Variants in FRMD3 observed in about 807,000 individuals in gnomAD.
FRMD3 encodes the protein FERM domain-containing protein 3.
FRMD3 carries 33 observed loss-of-function variants against 70.2 expected under a neutral mutation model. The observed-to-expected ratio is 0.47, with a 90% CI of 0.36 to 0.63. The LOEUF (loss-of-function observed/expected upper bound fraction) is 0.63, where lower values mean the gene tolerates loss of function less well. Ranked by LOEUF, FRMD3 falls within the 20% of genes least tolerant of loss-of-function variation. The pLI, the probability that FRMD3 is intolerant of heterozygous loss-of-function variation, is 0.00. For missense variants in FRMD3, 632 were observed against 711.4 expected, an observed-to-expected ratio of 0.89 and a Z score of 1.27; for synonymous variants, 279 against 255.9, an observed-to-expected ratio of 1.09 and a Z score of -0.86.
intron 1 of FRMD3, among the ~76,000 whole-genome samples, chr9:83,491,928 A>G (rs537928339): frequency 6.6e-6 from 1 of 152,356 alleles, no homozygotes; most frequent in South Asian, 2.1e-4. Flanking sequence ...ACAGGCGTCC[A>G]CAGGGGGCTG....
At chr9:83,363,648 G>C (rs1202988671) in intron 3 of FRMD3, among the ~76,000 whole-genome samples, 1 of 146,066 alleles carries the variant, frequency 6.8e-6, no homozygotes, top group East Asian at 2.1e-4. Context: ...CCGCCCCCCG[G>C]GGTTCACGCC....
At chr9:83,551,223 A>T in the FRMD3 span, among the ~76,000 whole-genome samples, 2 of 152,182 alleles carry the variant, frequency 1.3e-5, no homozygotes, top group Non-Finnish European at 2.9e-5. Context: ...TTCTGCATCT[A>T]TTAAGATAAT....
At chr9:83,330,974 G>A (rs1836234981) in intron 6 of FRMD3, among the ~76,000 whole-genome samples, 1 of 152,204 alleles carries the variant, frequency 6.6e-6, no homozygotes, top group Non-Finnish European at 1.5e-5. Flanking sequence ...AGGATGTGGA[G>A]CAACAGGAAC....
At chr9:83,398,734 A>G (rs1480655896) in intron 1 of FRMD3, among the ~76,000 whole-genome samples, 2 of 152,248 alleles carry the variant, frequency 1.3e-5, no homozygotes, top group Non-Finnish European at 2.9e-5. Flanking sequence ...ATTAGTAGCT[A>G]AAGCTAAGAT....
At chr9:83,307,843 C>G (rs1835192757) in intron 10 of FRMD3, among the ~76,000 whole-genome samples, 1 of 151,736 alleles carries the variant, frequency 6.6e-6, no homozygotes, top group African/African-American at 2.4e-5. Context: ...TTTTTTAAAA[C>G]AAAATAAAAA....
At chr9:83,583,436 C>T in the FRMD3 span, among the ~76,000 whole-genome samples, 1 of 152,106 alleles carries the variant, frequency 6.6e-6, no homozygotes, top group African/African-American at 2.4e-5. Flanking sequence ...CTCACAATAC[C>T]GTACTAGCCA....
At chr9:83,326,756 A>C (rs1164731267) in intron 6 of FRMD3, among the ~76,000 whole-genome samples, 1 of 152,254 alleles carries the variant, frequency 6.6e-6, no homozygotes, top group Non-Finnish European at 1.5e-5. Context: ...TGTTCCACTC[A>C]GATTAATAGT....
In FRMD3 at chr9:83,299,133, T is replaced by A. The variant is rs754083167; in HGVS notation, c.980A>T (p.Lys327Ile). 1 of 1,612,310 alleles carries A rather than the reference T, an allele frequency of 6.2e-7. No individual in the cohort carries two copies. Among genetic ancestry groups the A allele is most frequent in the South Asian group, 1.1e-5 (1 of 90,748 alleles). The change falls in exon 11 of 14, where the codon AAA (lysine) becomes ATA (isoleucine). Residue 327 changes from lysine (K) to isoleucine (I), a missense_variant. By Grantham distance (102) the Lys-to-Ile change is moderately radical (BLOSUM62 -3). This residue lies in a region of FRMD3 where 418 missense variants were observed against 442.1 expected (regional missense o/e 0.95). Transcript: ENST00000304195. ...KTVSSSKIFF[K>I]GSRFRYSGKV... ...CCACCTATATCGAAATCTACTTCCTTTAAAAAATATCTTGCTGCTTGATAC... is the reference window on the plus strand; with the variant it reads ...CCACCTATATCGAAATCTACTTCCTATAAAAAATATCTTGCTGCTTGATAC...
chr9:83,345,028 G>A (rs528897577), intron 4 of FRMD3, among the ~76,000 whole-genome samples: 10 of 152,240 alleles, frequency 6.6e-5, no homozygotes, highest in African/African-American at 2.2e-4. Flanking sequence ...TCACAGGGAC[G>A]CTGTCAACCC....
chr9:83,415,589 C>A (rs1247570271), intron 1 of FRMD3, among the ~76,000 whole-genome samples: 1 of 150,760 alleles, frequency 6.6e-6, no homozygotes, highest in Non-Finnish European at 1.5e-5. Flanking sequence ...ACTACAGGTG[C>A]CCACCACCAC....
Position 83,245,595 on chromosome 9 carries a change from A to G in FRMD3, c.*2323T>C. The G allele has an allele frequency of 1.2e-6, 1 of 820,416 alleles. No homozygotes were observed. Among genetic ancestry groups the G allele is most frequent in the Non-Finnish European group, 1.5e-6 (1 of 679,344 alleles). 50.8% of individuals were successfully genotyped at this position (820,416 alleles called of 1,614,324 possible). ...TCTGCATCGTTGGATTACATGTGAT[A>G]TTTATACTATCATATTTTTTAAGTA... On this transcript the variant is annotated 3_prime_UTR_variant, in exon 14 of 14. Transcript: ENST00000304195.
chr9:83,316,156 TTTTTC>T (rs1233331377), intron 6 of FRMD3, among the ~76,000 whole-genome samples: 2,706 of 132,786 alleles, frequency 0.02, 75 homozygotes, highest in African/African-American at 0.077. Flanking sequence ...CTCTTTTTTT[TTTTTC>T]TTTTTTTTTT....
chr9:83,435,002 T>G (rs1385360655), intron 1 of FRMD3, among the ~76,000 whole-genome samples: 1 of 151,166 alleles, frequency 6.6e-6, no homozygotes, highest in Non-Finnish European at 1.5e-5. Flanking sequence ...TTTTTGCGGG[T>G]TTTTTCTGTA....
intron 13 of FRMD3, among the ~76,000 whole-genome samples, chr9:83,277,549 C>T (rs1373558359): frequency 2.0e-5 from 3 of 152,070 alleles, no homozygotes; most frequent in African/African-American, 7.2e-5. Flanking sequence ...TTGGTAGAGA[C>T]AGAGTTTTGC....
chr9:83,278,387 T>G (rs59812470), intron 13 of FRMD3, among the ~76,000 whole-genome samples: 8,006 of 151,796 alleles, frequency 0.053, 538 homozygotes, highest in African/African-American at 0.16. Context: ...GATGAGAGGA[T>G]GGGGATAGGA....
intron 1 of FRMD3, among the ~76,000 whole-genome samples, chr9:83,453,011 C>T (rs1165770908): frequency 6.6e-6 from 1 of 151,964 alleles, no homozygotes; most frequent in Non-Finnish European, 1.5e-5. Context: ...TGCACCACCA[C>T]ACCTGGTAAA....
chr9:83,388,592 A>G (rs1825577737), intron 2 of FRMD3, among the ~76,000 whole-genome samples: 2 of 152,172 alleles, frequency 1.3e-5, no homozygotes, highest in Admixed American at 6.5e-5. Flanking sequence ...CATATGCTAC[A>G]CTGAACACAC....
At chr9:83,404,512 T>C (rs1211116837) in intron 1 of FRMD3, among the ~76,000 whole-genome samples, 3 of 152,178 alleles carry the variant, frequency 2.0e-5, no homozygotes, top group Non-Finnish European at 4.4e-5. Context: ...TGGAACTGCA[T>C]AAACCCACAA....
chr9:83,317,819 T>C (rs1769171826), intron 6 of FRMD3, among the ~76,000 whole-genome samples: 1 of 152,062 alleles, frequency 6.6e-6, no homozygotes, highest in Non-Finnish European at 1.5e-5. Flanking sequence ...AGGACATCTG[T>C]TCATCAGGAG....
Sources: gnomAD v4.1 joint callset for allele counts (sites outside exome capture counted in the v4.1 genomes callset) on GRCh38, gnomAD v4.1.1 for gene constraint, gnomAD v4.1.1 regional missense constraint, MANE v1.5 for transcripts, NCBI Gene and HGNC (gene_info 2026-07-23, HGNC 2026-07-21) for gene names.